NRXN3: variants seen among roughly 807,000 people sequenced by gnomAD.
NRXN3 encodes neurexin 3.
Under a neutral mutation model 137.6 loss-of-function variants are expected in NRXN3, and 32 were observed. The observed-to-expected ratio is 0.23, with a 90% CI of 0.18 to 0.31. NRXN3 has a LOEUF of 0.31. NRXN3 is among the 10% of genes least tolerant of loss of function. The pLI is 1.00. For missense variants in NRXN3, 1,574 were observed against 2,062.5 expected (o/e 0.76, Z 4.59); for synonymous variants, 798 against 784.5 (o/e 1.02, Z -0.29).
At chr14:79,796,785 T>C (rs2099162224) in intron 19 of NRXN3, among the ~76,000 whole-genome samples, 1 of 152,210 alleles carries the variant, frequency 6.6e-6, no homozygotes, top group African/African-American at 2.4e-5. Context: ...ATATGCTGGC[T>C]ATTGAGGATG....
chr14:78,399,587 C>T (rs548391108), intron 4 of NRXN3, among the ~76,000 whole-genome samples: 1 of 152,320 alleles, frequency 6.6e-6, no homozygotes, highest in African/African-American at 2.4e-5. Flanking sequence ...TTCTGTTTAA[C>T]CTTTTTAAAT....
chr14:79,036,179 G>A (rs1338841944), intron 15 of NRXN3, among the ~76,000 whole-genome samples: 1 of 151,928 alleles, frequency 6.6e-6, no homozygotes, highest in Non-Finnish European at 1.5e-5. Context: ...AACTCAGTTG[G>A]TTGTTTATAT....
intron 4 of NRXN3, among the ~76,000 whole-genome samples, chr14:78,495,294 G>T (rs529755420): frequency 2.0e-5 from 3 of 152,024 alleles, no homozygotes; most frequent in Non-Finnish European, 4.4e-5. Flanking sequence ...CTTAGGAAGT[G>T]AAGTACATAA....
intron 4 of NRXN3, among the ~76,000 whole-genome samples, chr14:78,308,647 G>T (rs1019219920): frequency 6.6e-6 from 1 of 151,964 alleles, no homozygotes; most frequent in African/African-American, 2.4e-5. Flanking sequence ...ACTATGCCTC[G>T]CAAATGCCTG....
intron 15 of NRXN3, among the ~76,000 whole-genome samples, chr14:79,173,470 A>G (rs1167930927): frequency 6.8e-6 from 1 of 148,118 alleles, no homozygotes; most frequent in Non-Finnish European, 1.5e-5. Flanking sequence ...GGTAAAGGCT[A>G]CAGTGGGCCG....
At position 79,542,430 on chromosome 14, in the gene NRXN3, A is replaced by G. The variant is rs557849870; in HGVS notation, c.3444+75028A>G. Among the ~76,000 whole-genome samples the G allele has an allele frequency of 2.6e-5, 4 of 152,330 alleles. No individual in the cohort carries two copies. The East Asian group carries it at 7.7e-4, about 29-fold the overall frequency. On this transcript the variant is annotated intron_variant, in intron 16 of 20. Coordinates refer to ENST00000335750, the MANE Select transcript of NRXN3 (RefSeq NM_001330195.2). Reference sequence around the variant, plus strand: ...TTAAAAGAACATTCTTTCTTAGCCTACGTGAACATCCTTCTCTAGACTTAA... The same window carrying G: ...TTAAAAGAACATTCTTTCTTAGCCTGCGTGAACATCCTTCTCTAGACTTAA...
intron 4 of NRXN3, among the ~76,000 whole-genome samples, chr14:78,441,813 A>G (rs950283155): frequency 2.0e-5 from 3 of 152,142 alleles, no homozygotes; most frequent in East Asian, 1.9e-4. Context: ...TAAGAAATAC[A>G]TAGCTGGGTG....
intron 15 of NRXN3, among the ~76,000 whole-genome samples, chr14:79,316,835 T>C (rs1272635257): frequency 6.6e-6 from 1 of 152,094 alleles, no homozygotes; most frequent in Non-Finnish European, 1.5e-5. Context: ...AGGAAGTGTA[T>C]TCATTTCCTA....
At chr14:79,094,979 A>AGAGAGGGTGT (rs553957969) in intron 15 of NRXN3, among the ~76,000 whole-genome samples, 1 of 115,880 alleles carries the variant, frequency 8.6e-6, no homozygotes, top group Non-Finnish European at 1.8e-5. Flanking sequence ...AGAGAGAGAG[A>AGAGAGGGTGT]GTGTGTGTGT....
At chr14:78,952,847 C>A (rs1466025683) in intron 10 of NRXN3, among the ~76,000 whole-genome samples, 2 of 152,016 alleles carry the variant, frequency 1.3e-5, no homozygotes, top group South Asian at 4.2e-4. Context: ...CAGATCTCAC[C>A]CCCTCCCTCC....
chr14:79,285,842 C>G (rs1268859551), intron 15 of NRXN3, among the ~76,000 whole-genome samples: 1 of 152,004 alleles, frequency 6.6e-6, no homozygotes, highest in Non-Finnish European at 1.5e-5. Flanking sequence ...GCTCTTTCTC[C>G]TCACCGTGCG....
chr14:79,793,390 G>A (rs1164845264), intron 19 of NRXN3, among the ~76,000 whole-genome samples: 1 of 152,172 alleles, frequency 6.6e-6, no homozygotes, highest in East Asian at 1.9e-4. Flanking sequence ...TCTCCAGCCT[G>A]GGCGACAGAG....
At chr14:79,342,412 G>A (rs1439917757) in intron 15 of NRXN3, among the ~76,000 whole-genome samples, 1 of 152,008 alleles carries the variant, frequency 6.6e-6, no homozygotes, top group Non-Finnish European at 1.5e-5. Context: ...TATGACAAGT[G>A]CTATTACATT....
At chr14:79,826,712 T>C (rs993573949) in intron 20 of NRXN3, among the ~76,000 whole-genome samples, 39 of 152,300 alleles carry the variant, frequency 2.6e-4, no homozygotes, top group African/African-American at 7.9e-4. Flanking sequence ...ATTATTTTTT[T>C]CCCAGTCTGT....
intron 6 of NRXN3, among the ~76,000 whole-genome samples, chr14:78,662,010 G>A (rs946424110): frequency 6.6e-6 from 1 of 151,502 alleles, no homozygotes; most frequent in Non-Finnish European, 1.5e-5. Context: ...GAAGTAGCTG[G>A]GATTACAGGC....
intron 1 of NRXN3, among the ~76,000 whole-genome samples, chr14:78,204,084 T>G (rs1390211684): frequency 6.6e-6 from 1 of 152,182 alleles, no homozygotes; most frequent in Non-Finnish European, 1.5e-5. Context: ...TTCCTTATTG[T>G]TGGATATTTA....
chr14:78,835,219 T>C (rs1282771375), intron 10 of NRXN3, among the ~76,000 whole-genome samples: 1 of 152,124 alleles, frequency 6.6e-6, no homozygotes, highest in Non-Finnish European at 1.5e-5. Context: ...TCAGTTAAGA[T>C]GGTTCCAAAA....
chr14:78,991,225 G>A (rs539835087), intron 15 of NRXN3, among the ~76,000 whole-genome samples: 18 of 152,292 alleles, frequency 1.2e-4, no homozygotes, highest in African/African-American at 2.9e-4. Flanking sequence ...AGAGCACAGA[G>A]GTCATCAGCA....
chr14:78,511,414 A>C (rs1483503297), intron 4 of NRXN3, among the ~76,000 whole-genome samples: 1 of 152,146 alleles, frequency 6.6e-6, no homozygotes, highest in African/African-American at 2.4e-5. Context: ...TTAACATCTC[A>C]GTGGCTTAAC....
Sources: allele counts gnomAD v4.1 joint callset (sites outside exome capture counted in the v4.1 genomes callset), GRCh38; gene constraint gnomAD v4.1.1; transcripts MANE v1.5; gene names NCBI Gene and HGNC (gene_info 2026-07-23, HGNC 2026-07-21).